The following GRAP2 variants were observed in gnomAD, a reference collection of about 807,000 sequenced individuals.
GRAP2 encodes the protein GRB2-related adapter protein 2.
A neutral mutation model predicts 43.5 loss-of-function variants in GRAP2; 31 were observed. The ratio of observed to expected loss-of-function variants is 0.71; its 90% CI spans 0.54 to 0.96. GRAP2 has a LOEUF of 0.96. Among genes scored for constraint, GRAP2 ranks in the 40% least tolerant of loss-of-function variants. The pLI is 0.00. For missense variants in GRAP2, 371 were observed against 424.4 expected (o/e 0.87, Z 1.11); for synonymous variants, 156 against 164.8 (o/e 0.95, Z 0.41).
At chr22:39,941,650 C>T (rs2066872263) in intron 1 of GRAP2, among the ~76,000 whole-genome samples, 1 of 152,034 alleles carries the variant, frequency 6.6e-6, no homozygotes, top group African/African-American at 2.4e-5. Context: ...TCTCAGGGTC[C>T]ACAAATAAAG....
intron 2 of GRAP2, among the ~76,000 whole-genome samples, chr22:39,952,877 C>A (rs1304220832): frequency 1.3e-5 from 2 of 152,162 alleles, no homozygotes; most frequent in African/African-American, 4.8e-5. Context: ...CTCATTTGAT[C>A]CTCACATCAG....
intron 3 of GRAP2, among the ~76,000 whole-genome samples, chr22:39,959,821 G>C (rs1231883395): frequency 6.6e-6 from 1 of 152,226 alleles, no homozygotes. Flanking sequence ...AGGCTGGAGA[G>C]AGACTTCTCC....
At chr22:39,969,796 C>T (rs1396144538) in intron 7 of GRAP2, among the ~76,000 whole-genome samples, 2 of 152,138 alleles carry the variant, frequency 1.3e-5, no homozygotes, top group Non-Finnish European at 2.9e-5. Flanking sequence ...TGCCAGTAAT[C>T]CCAGCTACTT....
intron 2 of GRAP2, 100 bp from the exon 3 acceptor site, chr22:39,955,719 C>T (rs1277869627): frequency 1.5e-6 from 1 of 661,802 alleles, no homozygotes; most frequent in Non-Finnish European, 2.8e-6. Flanking sequence ...ACATATTTTC[C>T]TCTAAGTCCA....
intron 1 of GRAP2, 139 bp downstream of exon 1, chr22:39,901,469 G>T (rs984939260): frequency 2.7e-6 from 1 of 375,646 alleles, no homozygotes; most frequent in African/African-American, 2.1e-5. Context: ...ATCAGCTAAG[G>T]TCTCTAAACC....
intron 7 of GRAP2, among the ~76,000 whole-genome samples, chr22:39,969,934 A>G (rs986704012): frequency 6.6e-6 from 1 of 151,990 alleles, no homozygotes; most frequent in Non-Finnish European, 1.5e-5. Context: ...AACAAAACAA[A>G]ACAAAAATGC....
At chr22:39,947,021 C>G in intron 1 of GRAP2, 72 bp from the exon 2 acceptor site, 1 of 876,346 alleles carries the variant, frequency 1.1e-6, no homozygotes, top group East Asian at 2.4e-5. Context: ...TGCTGATTAC[C>G]AGGAAGCACC....
At chr22:39,899,295 G>C (rs1020953756), upstream of GRAP2, among the ~76,000 whole-genome samples, 1 of 152,102 alleles carries the variant, frequency 6.6e-6, no homozygotes, top group Admixed American at 6.5e-5. Context: ...TCCTCATTAG[G>C]GTACAAGCTG....
chr22:39,954,230 A>C (rs575092308), intron 2 of GRAP2, among the ~76,000 whole-genome samples: 3 of 152,378 alleles, frequency 2.0e-5, no homozygotes, highest in Admixed American at 6.5e-5. Flanking sequence ...ACATAAACTA[A>C]AAATGGCTTA....
chr22:39,937,517 A>C (rs995800707), intron 1 of GRAP2, among the ~76,000 whole-genome samples: 11 of 152,362 alleles, frequency 7.2e-5, no homozygotes, highest in Non-Finnish European at 1.3e-4. Context: ...AGAGGCTGAA[A>C]AGTAGTATAC....
At chr22:39,950,490 T>C (rs1379441728) in intron 2 of GRAP2, among the ~76,000 whole-genome samples, 1 of 152,230 alleles carries the variant, frequency 6.6e-6, no homozygotes, top group Non-Finnish European at 1.5e-5. Flanking sequence ...AGAAGAGCTG[T>C]GCCTAGAACT....
chr22:39,965,953 C>A, intron 4 of GRAP2, 37 bp from the exon 5 acceptor site: 1 of 1,569,174 alleles, frequency 6.4e-7, no homozygotes, highest in Non-Finnish European at 8.8e-7. Context: ...ACATTATCAC[C>A]GTGTAACATA....
intron 1 of GRAP2, among the ~76,000 whole-genome samples, chr22:39,943,205 A>G (rs562188066): frequency 5.3e-5 from 8 of 152,318 alleles, no homozygotes; most frequent in African/African-American, 9.6e-5. Flanking sequence ...TGGGTTTCCA[A>G]TGGAGGTTAT....
At chr22:39,913,949 T>C (rs901293722) in intron 1 of GRAP2, among the ~76,000 whole-genome samples, 1 of 152,154 alleles carries the variant, frequency 6.6e-6, no homozygotes, top group African/African-American at 2.4e-5. Context: ...TATCATTCAG[T>C]AATGATAAAG....
At chr22:39,912,076 A>G (rs2066571241) in intron 1 of GRAP2, among the ~76,000 whole-genome samples, 1 of 152,178 alleles carries the variant, frequency 6.6e-6, no homozygotes, top group Non-Finnish European at 1.5e-5. Context: ...CCAGATTCAA[A>G]TGTTCTGTTT....
In GRAP2 at chr22:39,968,452, C is replaced by A. The variant is rs886593558; in HGVS notation, c.690+180C>A. 78 of 568,562 alleles carry A rather than the reference C, an allele frequency of 1.4e-4. No individual in the cohort carries two copies. The East Asian group carries it at 2.1e-3, about 15-fold the overall frequency. 35.2% of individuals were successfully genotyped at this position (568,562 alleles called of 1,614,324 possible). ...ACATCTCTATGAATTAAATGGCTCC[C>A]ACCTGAACACACACACACACACACA... is the stretch of plus-strand genomic sequence containing the variant. On this transcript the variant is annotated intron_variant, in intron 6 of 7. Transcript: ENST00000344138.
chr22:39,926,585 G>A, intron 1 of GRAP2: 2 of 984,866 alleles, frequency 2.0e-6, no homozygotes, highest in Non-Finnish European at 2.4e-6. Flanking sequence ...CTAGCTGGGG[G>A]TGGGGAAAAG....
In GRAP2 at chr22:39,953,723, C is replaced by T. The variant is rs118189873; in HGVS notation, c.79-2096C>T. Among the ~76,000 whole-genome samples, 24 of 152,372 alleles carry T rather than the reference C, an allele frequency of 1.6e-4. No individual in the cohort carries two copies. In the East Asian group the frequency reaches 3.3e-3, roughly 21 times the overall value. On this transcript the variant is annotated intron_variant, in intron 2 of 7. Coordinates refer to ENST00000344138, the MANE Select transcript of GRAP2 (RefSeq NM_004810.4). ...CTCCTGGGCTCACACCCTCCTCCCG[C>T]TTCAGCCTCCTGAGTAGCTGGGACT... is the stretch of plus-strand genomic sequence containing the variant.
At chr22:39,906,126 T>C (rs372410403) in intron 1 of GRAP2, among the ~76,000 whole-genome samples, 11 of 152,286 alleles carry the variant, frequency 7.2e-5, no homozygotes, top group African/African-American at 2.6e-4. Context: ...CGGGGAGTTA[T>C]GAGACCTGGG....
Sources: gnomAD v4.1 joint callset for allele counts (sites outside exome capture counted in the v4.1 genomes callset) on GRCh38, gnomAD v4.1.1 for gene constraint, MANE v1.5 for transcripts, NCBI Gene and HGNC (gene_info 2026-07-23, HGNC 2026-07-21) for gene names.